Variants in CYLD observed in about 807,000 individuals in gnomAD.
CYLD encodes the protein CYLD lysine 63 deubiquitinase, also known as ubiquitin carboxyl-terminal hydrolase CYLD.
CYLD carries 26 observed loss-of-function variants against 104.5 expected under a neutral mutation model. The observed-to-expected ratio is 0.25, with a 90% CI of 0.18 to 0.35. CYLD has a LOEUF of 0.35. Ranked by LOEUF, CYLD falls within the 10% of genes least tolerant of loss-of-function variation. The pLI is 1.00. For synonymous variants in CYLD, 385 were observed against 399.9 expected, an observed-to-expected ratio of 0.96 and a Z score of 0.45; for missense variants, 703 against 1,136.1, an observed-to-expected ratio of 0.62 and a Z score of 5.48.
Position 50,801,761 on chromosome 16 carries a change from C to T in CYLD, c.*5253C>T, listed in dbSNP as rs1567468612. 1 of 233,096 alleles carries T rather than the reference C, an allele frequency of 4.3e-6. No homozygotes were observed. Among genetic ancestry groups the T allele is most frequent in the Non-Finnish European group, 8.5e-6 (1 of 117,728 alleles). The allele number at this position is 233,096 out of a possible 1,614,324, so 14.4% of individuals were successfully genotyped here. On this transcript the variant is annotated 3_prime_UTR_variant, in exon 19 of 19. Transcript: ENST00000427738. ...TTTTATTTCTTGTCTGCAGAACATC[C>T]TATATTTATGAGAACATTCTTTAAG...
chr16:50,784,605 C>A, intron 12 of CYLD, 154 bp downstream of exon 12: 1 of 800,152 alleles, frequency 1.2e-6, no homozygotes, highest in South Asian at 1.7e-5. Context: ...ACCTTTGGTC[C>A]TTGTACTTTT....
At position 50,762,224 on chromosome 16, in the gene CYLD, A is replaced by T. The variant is rs115834267; in HGVS notation, c.913+7800A>T. 2.0e-3 allele frequency among the ~76,000 whole-genome samples: 302 copies of T among 149,998 alleles called. 4 individuals carry two copies. The highest frequency in any genetic ancestry group is 7.0e-3 in the African/African-American group (285 of 40,626). The stretch of plus-strand genomic sequence containing the variant: ...ACTCTGCTTCCACGTGTGATTCTTT[A>T]TGTGTTTTAATATTATTAACACTAG... On this transcript the variant is annotated intron_variant, in intron 5 of 18. Transcript: ENST00000427738.
chr16:50,760,661 G>GA (rs1265982468), intron 5 of CYLD, among the ~76,000 whole-genome samples: 2 of 152,050 alleles, frequency 1.3e-5, no homozygotes, highest in Non-Finnish European at 2.9e-5. Context: ...CCATTGTACG[G>GA]AAAAAAATTT....
Position 50,751,795 on chromosome 16 carries a change from A to C in CYLD, c.696A>C (p.Ile232=), listed in dbSNP as rs375486280. ...TMQVELPPLE[I]NSRVSLKVGE... is the part of the protein sequence containing the mutation. Reference sequence around the variant, plus strand: ...AGGTCGAACTTCCTCCTTTGGAAATAAACTCCAGAGTTTCTTTGAAGGTTG... The same window carrying C: ...AGGTCGAACTTCCTCCTTTGGAAATCAACTCCAGAGTTTCTTTGAAGGTTG... The change falls in exon 4 of 19, where the codon ATA becomes ATC. Residue 232 remains isoleucine, a synonymous_variant. Transcript: ENST00000427738. The C allele has an allele frequency of 3.1e-6, 5 of 1,613,662 alleles. No individual in the cohort carries two copies. Among genetic ancestry groups the C allele is most frequent in the Non-Finnish European group, 4.2e-6 (5 of 1,179,820 alleles).
At chr16:50,783,548 T>G (rs1970486704) in intron 11 of CYLD, among the ~76,000 whole-genome samples, 1 of 152,156 alleles carries the variant, frequency 6.6e-6, no homozygotes, top group South Asian at 2.1e-4. Flanking sequence ...GTCACTCGTT[T>G]ATTTTTTTGA....
In CYLD at chr16:50,749,834, A is replaced by G; in HGVS notation, c.136A>G (p.Ile46Val). Residue 46 changes from isoleucine to valine, a missense_variant, in exon 3 of 19, where the codon ATA (isoleucine) becomes GTA (valine). Coordinates refer to ENST00000427738, the MANE Select transcript of CYLD (RefSeq NM_001378743.1). The part of the protein sequence containing the change: ...QKLLKVPKGS[I>V]GQYIQDRSVG... The stretch of plus-strand genomic sequence containing the variant: ...GCTCCTTAAAGTACCGAAGGGAAGT[A>G]TAGGACAGTATATTCAAGATCGTTC... 1 of 1,614,198 alleles carries G rather than the reference A, an allele frequency of 6.2e-7. No individual in the cohort carries two copies. The highest frequency in any genetic ancestry group is 8.5e-7 in the Non-Finnish European group (1 of 1,180,038).
chr16:50,749,756 A>AT lies in CYLD; in HGVS notation c.64dup (p.Tyr22LeufsTer19), dbSNP rs1966469244. 6.2e-7 allele frequency: 1 copy of AT among 1,613,654 alleles called. No homozygotes were observed. Among genetic ancestry groups the AT allele is most frequent in the African/African-American group, 1.3e-5 (1 of 74,880 alleles). ...CACTTCACCCTACTGGGAAGAGCGG[A>AT]TTTTTTACTTGCTTCTTCAAGAATG... On this transcript the variant is annotated frameshift_variant, in exon 3 of 19. Coordinates refer to ENST00000427738, the MANE Select transcript of CYLD (RefSeq NM_001378743.1). LOFTEE classifies it high-confidence loss of function.
At chr16:50,742,210 G>C (rs1348220331) in intron 1 of CYLD, 86 bp downstream of exon 1, 1 of 151,696 alleles carries the variant, frequency 6.6e-6, no homozygotes, top group Non-Finnish European at 1.5e-5. Context: ...ACGCCCCGCC[G>C]CCCGAGGTTA....
At chr16:50,792,551 G>A in intron 15 of CYLD, 46 bp from the exon 16 acceptor site, 1 of 1,403,242 alleles carries the variant, frequency 7.1e-7, no homozygotes. Context: ...AGGGAAAAGT[G>A]TTTTTTTTAA....
chr16:50,760,273 A>G (rs575185543), intron 5 of CYLD, among the ~76,000 whole-genome samples: 72 of 152,312 alleles, frequency 4.7e-4, no homozygotes, highest in Non-Finnish European at 9.7e-4. Context: ...TTTGGGTTCT[A>G]ACTAATATAT....
Position 50,793,612 on chromosome 16 carries a change from C to T in CYLD, c.2417C>T (p.Pro806Leu), listed in dbSNP as rs779374474. The change falls in exon 17 of 19, where the codon CCG becomes CTG. Residue 806 changes from proline to leucine, a missense_variant. Coordinates refer to ENST00000427738, the MANE Select transcript of CYLD (RefSeq NM_001378743.1). ...GAGTGTAGAGAATGCTACGACGATC[C>T]GGACATCTCAGCTGGAAAAATCAAG... ...MYECRECYDDPDISAGKIKQF... is the reference protein window; with the variant it reads ...MYECRECYDDLDISAGKIKQF... The T allele has an allele frequency of 7.3e-5, 118 of 1,614,018 alleles. No homozygotes were observed. Among genetic ancestry groups the T allele is most frequent in the Admixed American group, 3.3e-4 (20 of 60,008 alleles).
At chr16:50,783,101 T>C (rs1970424217) in intron 11 of CYLD, among the ~76,000 whole-genome samples, 1 of 151,996 alleles carries the variant, frequency 6.6e-6, no homozygotes, top group Non-Finnish European at 1.5e-5. Context: ...ACTTTCTTTT[T>C]TGTATTTTCA....
intron 7 of CYLD, among the ~76,000 whole-genome samples, chr16:50,776,689 C>A (rs754687344): frequency 5.9e-5 from 9 of 152,118 alleles, no homozygotes; most frequent in Non-Finnish European, 1.3e-4. Flanking sequence ...AACTGCTAAG[C>A]AAAAATTTCT....
At chr16:50,756,512 A>G (rs1967258790) in intron 5 of CYLD, among the ~76,000 whole-genome samples, 1 of 152,192 alleles carries the variant, frequency 6.6e-6, no homozygotes, top group Non-Finnish European at 1.5e-5. Context: ...TTTGCCTCTA[A>G]CAAGTAGCAC....
intron 11 of CYLD, among the ~76,000 whole-genome samples, chr16:50,783,215 G>A (rs1415831839): frequency 6.6e-6 from 1 of 152,084 alleles, no homozygotes; most frequent in Non-Finnish European, 1.5e-5. Context: ...TTACGGGCAT[G>A]AGCCACCACG....
chr16:50,759,209 T>C (rs1967630156), intron 5 of CYLD, among the ~76,000 whole-genome samples: 1 of 152,168 alleles, frequency 6.6e-6, no homozygotes, highest in Non-Finnish European at 1.5e-5. Flanking sequence ...GCCATTGCAC[T>C]CCAACCTGGG....
chr16:50,760,089 A>G (rs1967728747), intron 5 of CYLD, among the ~76,000 whole-genome samples: 1 of 152,188 alleles, frequency 6.6e-6, no homozygotes, highest in Non-Finnish European at 1.5e-5. Flanking sequence ...CCACCTCTCT[A>G]TTCACGTACT....
chr16:50,773,014 G>A (rs1969312554), intron 5 of CYLD, among the ~76,000 whole-genome samples: 2 of 152,130 alleles, frequency 1.3e-5, no homozygotes, highest in Non-Finnish European at 2.9e-5. Flanking sequence ...TTGAATAGTT[G>A]CTATGTAGGA....
chr16:50,787,678 G>T, intron 13 of CYLD, 108 bp from the exon 14 acceptor site: 1 of 633,908 alleles, frequency 1.6e-6, no homozygotes, highest in Non-Finnish European at 2.8e-6. Context: ...AAATAATATT[G>T]GATGAATGAA....
Sources: allele counts gnomAD v4.1 joint callset (sites outside exome capture counted in the v4.1 genomes callset), GRCh38; gene constraint gnomAD v4.1.1; transcripts MANE v1.5; gene names NCBI Gene and HGNC (gene_info 2026-07-23, HGNC 2026-07-21).